Variants in LGALS2 observed in about 807,000 individuals in gnomAD.
LGALS2 encodes galectin-2.
LGALS2 carries 7 observed loss-of-function variants against 10.1 expected under a neutral mutation model. The observed-to-expected ratio is 0.70, with a 90% CI of 0.40 to 1.31. LGALS2 has a LOEUF of 1.31. Ranked by LOEUF, LGALS2 falls within the 50% of genes most tolerant of loss-of-function variation. The pLI is 0.01. For missense variants in LGALS2, 167 were observed against 163.6 expected (o/e 1.02, Z -0.11); for synonymous variants, 86 against 64.2 (o/e 1.34, Z -1.63).
rs1283663416 is a variant in LGALS2, at chr22:37,570,265, ATTC to A, written c.394_396del (p.Glu132del). 8 of 1,602,808 alleles carry A rather than the reference ATTC, an allele frequency of 5.0e-6. No homozygotes were observed. The highest frequency in any genetic ancestry group is 6.8e-6 in the Non-Finnish European group (8 of 1,171,216). On this transcript the variant is annotated inframe_deletion, in exon 4 of 4. Coordinates refer to ENST00000215886, the MANE Select transcript of LGALS2 (RefSeq NM_006498.3). The stretch of plus-strand genomic sequence containing the variant: ...AGAGAATCTCGGCTGGAAGTCTTTT[ATTC>A]TTTTAACTTGAAAGAGGACATGTTG...
chr22:37,575,002 C>T (rs776910968), intron 1 of LGALS2, among the ~76,000 whole-genome samples: 43 of 151,802 alleles, frequency 2.8e-4, no homozygotes, highest in Non-Finnish European at 5.3e-4. Flanking sequence ...CCTGCCTCAG[C>T]CTCCCGAGTC....
At chr22:37,573,456 G>A (rs539481287) in intron 1 of LGALS2, among the ~76,000 whole-genome samples, 1 of 152,250 alleles carries the variant, frequency 6.6e-6, no homozygotes, top group African/African-American at 2.4e-5. Flanking sequence ...CAGCTACTCA[G>A]GATGCTGAGA....
intron 1 of LGALS2, among the ~76,000 whole-genome samples, chr22:37,575,822 A>C (rs1382551367): frequency 6.6e-6 from 1 of 152,184 alleles, no homozygotes; most frequent in Non-Finnish European, 1.5e-5. Context: ...GCGGGCCATG[A>C]CGGCGGCATG....
At chr22:37,572,033 C>G in intron 1 of LGALS2, 102 bp from the exon 2 acceptor site, 1 of 936,280 alleles carries the variant, frequency 1.1e-6, no homozygotes, top group East Asian at 2.5e-5. Flanking sequence ...CTGCAGGTCT[C>G]AATCCCCCTG....
chr22:37,574,514 A>C (rs1601460581), intron 1 of LGALS2, among the ~76,000 whole-genome samples: 1 of 152,080 alleles, frequency 6.6e-6, no homozygotes, highest in East Asian at 1.9e-4. Flanking sequence ...AAAAAAAAAA[A>C]AAAAAACTCA....
intron 1 of LGALS2, among the ~76,000 whole-genome samples, chr22:37,575,824 G>A (rs770003119): frequency 1.3e-4 from 20 of 152,198 alleles, no homozygotes; most frequent in African/African-American, 2.7e-4. Flanking sequence ...GGGCCATGAC[G>A]GCGGCATGTC....
At chr22:37,571,007 A>G (rs1335849381) in intron 2 of LGALS2, among the ~76,000 whole-genome samples, 1 of 152,196 alleles carries the variant, frequency 6.6e-6, no homozygotes. Flanking sequence ...GAGAAATGCT[A>G]TCTCTTAGAT....
intron 1 of LGALS2, among the ~76,000 whole-genome samples, chr22:37,572,225 C>T (rs1453797438): frequency 6.6e-6 from 1 of 152,202 alleles, no homozygotes; most frequent in Non-Finnish European, 1.5e-5. Context: ...GCTTCCTGCC[C>T]AGTTCCGCAA....
chr22:37,571,565 A>C (rs1019887519), intron 2 of LGALS2, among the ~76,000 whole-genome samples: 1 of 152,212 alleles, frequency 6.6e-6, no homozygotes, highest in African/African-American at 2.4e-5. Flanking sequence ...CCTGCCCCGC[A>C]GGGGGCCAGA....
rs914882953 is a variant in LGALS2 at position 37,579,969 on chromosome 22, G to A, written c.-64C>T. On this transcript the variant is annotated 5_prime_UTR_variant, in exon 1 of 4. It adds an upstream start codon to the 5' untranslated region. Coordinates refer to ENST00000215886, the MANE Select transcript of LGALS2 (RefSeq NM_006498.3). The stretch of plus-strand genomic sequence containing the variant: ...AGGCCTGTGCTCAGGGTCTCAACTC[G>A]TGGTCAAGCTTATATCCTAGAATAT... 35 of 1,585,176 alleles carry A rather than the reference G, an allele frequency of 2.2e-5. No individual in the cohort carries two copies. Among genetic ancestry groups the A allele is most frequent in the Non-Finnish European group, 2.9e-5 (34 of 1,157,386 alleles).
rs1925451275 is a variant in LGALS2 at position 37,570,305 on chromosome 22, T to TA, written c.356dup (p.Arg120LysfsTer?). On this transcript the variant is annotated frameshift_variant, in exon 4 of 4. Coordinates refer to ENST00000215886, the MANE Select transcript of LGALS2 (RefSeq NM_006498.3). LOFTEE classifies it low-confidence loss of function (END_TRUNC). ...AAGAGGACATGTTGAACCCGCCCCT[T>TA]ACGCTCAGGTAGCTCAGGTGGCTGT... The TA allele has an allele frequency of 1.9e-6, 3 of 1,613,510 alleles. No individual in the cohort carries two copies. The highest frequency in any genetic ancestry group is 2.5e-6 in the Non-Finnish European group (3 of 1,179,464).
Position 37,570,651 on chromosome 22 carries a change from G to A in LGALS2, c.174C>T (p.Asn58=), listed in dbSNP as rs764763463. Residue 58 remains asparagine, a synonymous_variant, in exon 3 of 4, where the codon AAC becomes AAT. Transcript: ENST00000215886. The part of the protein sequence containing the change: ...PRFSESTIVC[N]SLDGSNWGQE... ...GCCCCCAGTTGCTGCCGTCCAATGA[G>A]TTGCAGACAATGGTGGATTCGCTGA... is the stretch of plus-strand genomic sequence containing the variant. 1 of 1,614,274 alleles carries A rather than the reference G, an allele frequency of 6.2e-7. No homozygotes were observed.
chr22:37,574,438 C>G (rs561868351), intron 1 of LGALS2, among the ~76,000 whole-genome samples: 3 of 150,230 alleles, frequency 2.0e-5, no homozygotes, highest in African/African-American at 7.3e-5. Flanking sequence ...ATCGCTTGAA[C>G]CCAGGAGGTG....
At chr22:37,578,018 C>T (rs1925739530) in intron 1 of LGALS2, among the ~76,000 whole-genome samples, 1 of 152,222 alleles carries the variant, frequency 6.6e-6, no homozygotes, top group Non-Finnish European at 1.5e-5. Flanking sequence ...TGTGAAGCCA[C>T]CCACAATTTG....
At chr22:37,576,153 T>C (rs1925665967) in intron 1 of LGALS2, among the ~76,000 whole-genome samples, 2 of 151,984 alleles carry the variant, frequency 1.3e-5, no homozygotes, top group Non-Finnish European at 2.9e-5. Flanking sequence ...CAGACGGGAT[T>C]AAAATCAGTC....
chr22:37,579,836 C>A lies in LGALS2; in HGVS notation c.6+64G>T, dbSNP rs1601463413. 6 of 1,562,430 alleles carry A rather than the reference C, an allele frequency of 3.8e-6. No individual in the cohort carries two copies. The East Asian group carries it at 1.4e-4, about 36-fold the overall frequency. On this transcript the variant is annotated intron_variant, in intron 1 of 3. Coordinates refer to ENST00000215886, the MANE Select transcript of LGALS2 (RefSeq NM_006498.3). ...GACAGCAATGGTTTTCCCTAAAAGC[C>A]CCCACCCAGGCAAAGACAAAGATGA...
intron 1 of LGALS2, among the ~76,000 whole-genome samples, chr22:37,575,444 A>G (rs1427944021): frequency 6.6e-6 from 1 of 151,734 alleles, no homozygotes; most frequent in East Asian, 1.9e-4. Flanking sequence ...CTGACCCTCA[A>G]GTGGTCCTCC....
chr22:37,570,831 C>G, intron 2 of LGALS2, 96 bp from the exon 3 acceptor site: 1 of 1,376,462 alleles, frequency 7.3e-7, no homozygotes, highest in East Asian at 2.3e-5. Context: ...CTGGAAGAAT[C>G]AAAGCTTGTG....
chr22:37,573,907 A>C (rs547470365), intron 1 of LGALS2, among the ~76,000 whole-genome samples: 1 of 151,976 alleles, frequency 6.6e-6, no homozygotes, highest in East Asian at 1.9e-4. Context: ...TTGCATTTTT[A>C]GTAGAGACAA....
Sources: gnomAD v4.1 joint callset for allele counts (sites outside exome capture counted in the v4.1 genomes callset) on GRCh38, gnomAD v4.1.1 for gene constraint, MANE v1.5 for transcripts, NCBI Gene and HGNC (gene_info 2026-07-23, HGNC 2026-07-21) for gene names.